The following ZC3HAV1 variants were observed in gnomAD, a reference collection of about 807,000 sequenced individuals.
The protein encoded by ZC3HAV1 is zinc finger CCCH-type containing, antiviral 1, also known as zinc finger CCCH-type antiviral protein 1.
Under a neutral mutation model 86.6 loss-of-function variants are expected in ZC3HAV1, and 41 were observed. That is an observed-to-expected ratio of 0.47 (90% CI 0.37 to 0.61). The LOEUF (loss-of-function observed/expected upper bound fraction) is 0.61. ZC3HAV1 is among the 20% of genes least tolerant of loss of function. The pLI is 0.00. For missense variants in ZC3HAV1, 964 were observed against 1,141.1 expected (o/e 0.84, Z 2.24); for synonymous variants, 421 against 432.1 (o/e 0.97, Z 0.32).
rs763897760 is a variant in ZC3HAV1, at chr7:139,073,945, CAGA to C, written c.1780_1782del (p.Ser594del). On this transcript the variant is annotated inframe_deletion, in exon 7 of 13. Transcript: ENST00000242351. ...AAGACAGAATTGGCTGGCTTGGTGA[CAGA>C]AGAAGGAGTGGAGAGGCGTCGGATG... 8 of 1,613,828 alleles carry C rather than the reference CAGA, an allele frequency of 5.0e-6. No homozygotes were observed. Among genetic ancestry groups the C allele is most frequent in the Non-Finnish European group, 6.8e-6 (8 of 1,179,910 alleles).
At chr7:139,060,790 G>A in intron 9 of ZC3HAV1, 1 of 1,369,516 alleles carries the variant, frequency 7.3e-7, no homozygotes, top group African/African-American at 1.5e-5. Context: ...AAAGCCCAGA[G>A]TATTTAGGAG....
At chr7:139,057,663 C>A (rs374842115) in intron 9 of ZC3HAV1, among the ~76,000 whole-genome samples, 1 of 76,594 alleles carries the variant, frequency 1.3e-5, no homozygotes. Flanking sequence ...CTCAGCCTCC[C>A]GAGTAGCTGG....
At chr7:139,076,450 G>A (rs1478814148) in intron 5 of ZC3HAV1, 41 bp from the exon 6 acceptor site, 3 of 1,610,352 alleles carry the variant, frequency 1.9e-6, no homozygotes, top group African/African-American at 2.7e-5. Flanking sequence ...TGTTGAGCAG[G>A]GATTCTAACC....
At chr7:139,067,773 C>T (rs1249063003) in intron 7 of ZC3HAV1, among the ~76,000 whole-genome samples, 2 of 152,068 alleles carry the variant, frequency 1.3e-5, no homozygotes, top group African/African-American at 2.4e-5. Flanking sequence ...ACAAGTTTTA[C>T]GTGGCACAGG....
chr7:139,087,878 A>G (rs1418408413), intron 2 of ZC3HAV1, among the ~76,000 whole-genome samples: 1 of 151,784 alleles, frequency 6.6e-6, no homozygotes, highest in Non-Finnish European at 1.5e-5. Flanking sequence ...AAATTTAAAA[A>G]AAAGTTAGCC....
At position 139,106,319 on chromosome 7, in the gene ZC3HAV1, AC is replaced by A. The variant is rs200346534; in HGVS notation, c.308+2704del. Among the ~76,000 whole-genome samples, 1,137 of 152,354 alleles carry A rather than the reference AC, an allele frequency of 7.5e-3. 22 individuals are homozygous for A. The highest frequency in any genetic ancestry group is 0.026 in the African/African-American group (1,086 of 41,584). On this transcript the variant is annotated intron_variant, in intron 1 of 12. Transcript: ENST00000242351. The stretch of plus-strand genomic sequence containing the variant: ...AATGTTAGATATGTAACATATGAAA[AC>A]AATTATAGGCCAGGTGAGGCAGTGG...
At chr7:139,054,174 G>A in intron 10 of ZC3HAV1, 79 bp from the exon 11 acceptor site, 2 of 1,372,260 alleles carry the variant, frequency 1.5e-6, no homozygotes, top group Non-Finnish European at 1.9e-6. Context: ...GCCCCCTTAT[G>A]CCATGAAGTA....
intron 9 of ZC3HAV1, among the ~76,000 whole-genome samples, chr7:139,059,925 G>A (rs1816396763): frequency 6.6e-6 from 1 of 152,174 alleles, no homozygotes. Flanking sequence ...TTATTATTAA[G>A]CCCATTTTAC....
intron 1 of ZC3HAV1, among the ~76,000 whole-genome samples, chr7:139,100,579 G>A (rs1475222621): frequency 6.6e-6 from 1 of 151,944 alleles, no homozygotes; most frequent in African/African-American, 2.4e-5. Context: ...AAAAACCACA[G>A]TGATACAATT....
chr7:139,060,463 C>CAGCT, intron 9 of ZC3HAV1: 1 of 991,860 alleles, frequency 1.0e-6, no homozygotes, highest in Non-Finnish European at 1.2e-6. Context: ...CTTGCTCTAA[C>CAGCT]AGCTAGCTCA....
In ZC3HAV1 at chr7:139,047,020, A is replaced by G. The variant is rs1264465853; in HGVS notation, c.*574T>C. On this transcript the variant is annotated 3_prime_UTR_variant, in exon 13 of 13. Coordinates refer to ENST00000242351, the MANE Select transcript of ZC3HAV1 (RefSeq NM_020119.4). ...CTTTCCAACACATTGGAATCATCAGAAGGGCTTTAAAAAATACAACTGCCA... is the reference window on the plus strand; with the variant it reads ...CTTTCCAACACATTGGAATCATCAGGAGGGCTTTAAAAAATACAACTGCCA... 1 of 153,974 alleles carries G rather than the reference A, an allele frequency of 6.5e-6. No individual in the cohort carries two copies. Among genetic ancestry groups the G allele is most frequent in the East Asian group, 1.9e-4 (1 of 5,222 alleles). The allele number at this position is 153,974 out of a possible 1,614,324, so 9.5% of individuals were successfully genotyped here. A position where few individuals can be genotyped will look rare whatever the true frequency, so the allele number is the denominator to read the frequency against.
At position 139,109,362 on chromosome 7, in the gene ZC3HAV1, C is replaced by G. The variant is rs1351763561; in HGVS notation, c.-31G>C. 6.5e-7 allele frequency: 1 copy of G among 1,530,228 alleles called. No homozygotes were observed. The highest frequency in any genetic ancestry group is 2.0e-5 in the Admixed American group (1 of 50,140). The allele number at this position is 1,530,228 out of a possible 1,614,324, so 94.8% of individuals were successfully genotyped here. A position where few individuals can be genotyped will look rare whatever the true frequency, so the allele number is the denominator to read the frequency against. Reference sequence around the variant, plus strand: ...GCTGGCTGTGCTGGCTCTGCCGCGGCGCGGGACTCGGTTCCGCGGAAATCG... The same window carrying G: ...GCTGGCTGTGCTGGCTCTGCCGCGGGGCGGGACTCGGTTCCGCGGAAATCG... On this transcript the variant is annotated 5_prime_UTR_variant, in exon 1 of 13. Coordinates refer to ENST00000242351, the MANE Select transcript of ZC3HAV1 (RefSeq NM_020119.4).
rs73732152 is a variant in ZC3HAV1, at chr7:139,047,440, G to A, written c.*154C>T. On this transcript the variant is annotated 3_prime_UTR_variant, in exon 13 of 13. Coordinates refer to ENST00000242351, the MANE Select transcript of ZC3HAV1 (RefSeq NM_020119.4). Reference sequence around the variant, plus strand: ...AGAATTTGTTTAAAACCTCCCAGATGATTCTAATATGTAGCAAAATTTGGG... The same window carrying A: ...AGAATTTGTTTAAAACCTCCCAGATAATTCTAATATGTAGCAAAATTTGGG... 2.7e-3 allele frequency: 2,688 copies of A among 1,001,322 alleles called. 46 individuals carry two copies. The African/African-American group carries it at 0.04, about 15-fold the overall frequency. 62.0% of individuals were successfully genotyped at this position (1,001,322 alleles called of 1,614,324 possible).
intron 12 of ZC3HAV1, among the ~76,000 whole-genome samples, chr7:139,049,258 T>C (rs1816054390): frequency 6.6e-6 from 1 of 151,780 alleles, no homozygotes. Context: ...CAAGCAATCT[T>C]CCCACCTCAG....
Position 139,109,328 on chromosome 7 carries a change from C to T in ZC3HAV1, c.4G>A (p.Ala2Thr). M[A>T]DPEVCCFITK... ...ATGAAGCAGCACACCTCCGGGTCCG[C>T]CATGGCGCGCTGGCTGTGCTGGCTC... Residue 2 changes from alanine (A) to threonine (T), a missense_variant, in exon 1 of 13, where the codon GCG (alanine) becomes ACG (threonine). Coordinates refer to ENST00000242351, the MANE Select transcript of ZC3HAV1 (RefSeq NM_020119.4). 6.3e-7 allele frequency: 1 copy of T among 1,581,432 alleles called. No individual in the cohort carries two copies. The highest frequency in any genetic ancestry group is 8.6e-7 in the Non-Finnish European group (1 of 1,162,664).
At chr7:139,077,409 A>G (rs1816984750) in intron 5 of ZC3HAV1, among the ~76,000 whole-genome samples, 1 of 152,054 alleles carries the variant, frequency 6.6e-6, no homozygotes, top group Non-Finnish European at 1.5e-5. Flanking sequence ...ACGCCCAGCT[A>G]ATTTTTGTAT....
At chr7:139,061,697 T>G (rs1369537368) in intron 8 of ZC3HAV1, among the ~76,000 whole-genome samples, 1 of 152,258 alleles carries the variant, frequency 6.6e-6, no homozygotes, top group East Asian at 1.9e-4. Context: ...CTATGTGATT[T>G]AGCAATCCCA....
At chr7:139,107,440 C>A (rs995166597) in intron 1 of ZC3HAV1, among the ~76,000 whole-genome samples, 1 of 152,122 alleles carries the variant, frequency 6.6e-6, no homozygotes, top group African/African-American at 2.4e-5. Flanking sequence ...AAAACACTTA[C>A]CTTTGTGTGT....
chr7:139,080,657 C>G (rs1388064333), intron 3 of ZC3HAV1, among the ~76,000 whole-genome samples: 1 of 152,268 alleles, frequency 6.6e-6, no homozygotes, highest in East Asian at 1.9e-4. Context: ...CCTAGGATGA[C>G]AGTGAGGATC....
Sources: allele counts gnomAD v4.1 joint callset (sites outside exome capture counted in the v4.1 genomes callset), GRCh38; gene constraint gnomAD v4.1.1; transcripts MANE v1.5; gene names NCBI Gene and HGNC (gene_info 2026-07-23, HGNC 2026-07-21).